Variants in RASSF8 observed in about 807,000 individuals in gnomAD.
RASSF8 encodes Ras association domain family member 8.
A neutral mutation model predicts 48.5 loss-of-function variants in RASSF8; 22 were observed. That is an observed-to-expected ratio of 0.45 (90% CI 0.32 to 0.65). The LOEUF (loss-of-function observed/expected upper bound fraction) is 0.65. Ranked by LOEUF, RASSF8 falls within the 30% of genes least tolerant of loss-of-function variation. RASSF8 has a pLI of 0.03. For synonymous variants in RASSF8, 127 were observed against 171.5 expected, an observed-to-expected ratio of 0.74 and a Z score of 2.03; for missense variants, 418 against 489.2, an observed-to-expected ratio of 0.85 and a Z score of 1.37.
chr12:26,060,098 C>T (rs954152112), intron 3 of RASSF8, among the ~76,000 whole-genome samples: 35 of 152,128 alleles, frequency 2.3e-4, no homozygotes, highest in African/African-American at 5.6e-4. Context: ...GGGGTTTCAC[C>T]GTGTTAGCCA....
intron 1 of RASSF8, among the ~76,000 whole-genome samples, chr12:25,987,717 A>G (rs1380847747): frequency 1.3e-5 from 2 of 152,200 alleles, no homozygotes; most frequent in Non-Finnish European, 2.9e-5. Flanking sequence ...TTCATTTTCT[A>G]TCCAACAGTA....
At chr12:25,967,290 T>C (rs1941381395) in intron 1 of RASSF8, among the ~76,000 whole-genome samples, 1 of 152,218 alleles carries the variant, frequency 6.6e-6, no homozygotes, top group Non-Finnish European at 1.5e-5. Flanking sequence ...TTTCCTTTCT[T>C]TTTTTGTTAT....
intron 1 of RASSF8, among the ~76,000 whole-genome samples, chr12:25,964,832 T>C (rs1941319039): frequency 6.6e-6 from 1 of 152,276 alleles, no homozygotes; most frequent in African/African-American, 2.4e-5. Context: ...GAAGTTCTAA[T>C]ACGTTAAATG....
chr12:25,960,888 A>G (rs1431355727), intron 1 of RASSF8, among the ~76,000 whole-genome samples: 1 of 152,246 alleles, frequency 6.6e-6, no homozygotes, highest in African/African-American at 2.4e-5. Context: ...TGGAAAAAAC[A>G]GTTACAAAGA....
intron 3 of RASSF8, among the ~76,000 whole-genome samples, chr12:26,061,615 G>A (rs1488374527): frequency 6.6e-6 from 1 of 152,114 alleles, no homozygotes; most frequent in Non-Finnish European, 1.5e-5. Flanking sequence ...CATCAAAATA[G>A]TACAGAAGGT....
At chr12:26,075,713 A>G (rs1944065844), downstream of RASSF8, among the ~76,000 whole-genome samples, 1 of 152,216 alleles carries the variant, frequency 6.6e-6, no homozygotes, top group African/African-American at 2.4e-5. Context: ...GATCAAATAA[A>G]CAAATTGAAA....
intron 2 of RASSF8, among the ~76,000 whole-genome samples, chr12:26,041,633 A>G (rs11609110): frequency 4.6e-5 from 7 of 152,094 alleles, no homozygotes; most frequent in Non-Finnish European, 1.0e-4. Flanking sequence ...ACATAAATAT[A>G]TATATATACA....
At chr12:25,966,141 A>G (rs1408650841) in intron 1 of RASSF8, among the ~76,000 whole-genome samples, 3 of 152,224 alleles carry the variant, frequency 2.0e-5, no homozygotes, top group East Asian at 1.9e-4. Context: ...ACCATTTTAC[A>G]TTCTTAACCA....
At chr12:25,967,491 CCT>C (rs1941386958) in intron 1 of RASSF8, among the ~76,000 whole-genome samples, 1 of 151,972 alleles carries the variant, frequency 6.6e-6, no homozygotes, top group Admixed American at 6.6e-5. Flanking sequence ...TGTTTCTTCC[CCT>C]GTTGTATTCT....
intron 2 of RASSF8, among the ~76,000 whole-genome samples, chr12:26,039,629 A>C (rs952069883): frequency 2.6e-5 from 4 of 152,226 alleles, no homozygotes; most frequent in Non-Finnish European, 5.9e-5. Context: ...TGCCTATTGC[A>C]TAAACTTCGT....
intron 2 of RASSF8, among the ~76,000 whole-genome samples, chr12:26,029,980 G>C (rs1942994708): frequency 1.3e-5 from 2 of 152,026 alleles, no homozygotes; most frequent in Admixed American, 1.3e-4. Context: ...TTGCTTATTT[G>C]TGCATCACTT....
downstream of RASSF8, among the ~76,000 whole-genome samples, chr12:26,077,617 T>C (rs981360926): frequency 6.6e-6 from 1 of 152,188 alleles, no homozygotes; most frequent in African/African-American, 2.4e-5. Flanking sequence ...GTTCCATTGG[T>C]CTATATCTCT....
intron 2 of RASSF8, among the ~76,000 whole-genome samples, chr12:26,012,661 C>T (rs1317585791): frequency 6.8e-6 from 1 of 147,808 alleles, no homozygotes. Context: ...CGTGATGTTC[C>T]TTCCATGTGA....
chr12:26,011,520 G>T (rs1340200992), intron 2 of RASSF8, among the ~76,000 whole-genome samples: 1 of 152,104 alleles, frequency 6.6e-6, no homozygotes, highest in Non-Finnish European at 1.5e-5. Context: ...AATTAATTGA[G>T]TGCTGTGGTT....
chr12:25,996,274 A>C (rs1286845299), intron 2 of RASSF8, among the ~76,000 whole-genome samples: 2 of 152,272 alleles, frequency 1.3e-5, no homozygotes, highest in Admixed American at 1.3e-4. Flanking sequence ...TAAAAAGGAA[A>C]AGCATAAGAA....
chr12:26,078,887 A>T, intron 5 of RASSF8: 2 of 589,150 alleles, frequency 3.4e-6, no homozygotes, highest in Non-Finnish European at 5.3e-6. Flanking sequence ...GAATATTTCT[A>T]GAAGGTTCTC....
At chr12:26,067,811 C>T in intron 5 of RASSF8, 98 bp downstream of exon 5, 3 of 1,484,842 alleles carry the variant, frequency 2.0e-6, no homozygotes, top group Non-Finnish European at 1.8e-6. Context: ...ATCGCCCAGG[C>T]TGGAATGCCA....
At chr12:25,965,060 A>T (rs10842641) in intron 1 of RASSF8, among the ~76,000 whole-genome samples, 1 of 151,682 alleles carries the variant, frequency 6.6e-6, no homozygotes, top group African/African-American at 2.4e-5. Flanking sequence ...CTCCCGCCTC[A>T]GCCTCCTGAG....
At chr12:25,994,142 G>A (rs1318098715) in intron 1 of RASSF8, among the ~76,000 whole-genome samples, 2 of 152,048 alleles carry the variant, frequency 1.3e-5, no homozygotes, top group African/African-American at 2.4e-5. Context: ...CAGATTTGGG[G>A]TCTGCCAGTT....
Sources: allele counts gnomAD v4.1 joint callset (sites outside exome capture counted in the v4.1 genomes callset), GRCh38; gene constraint gnomAD v4.1.1; transcripts MANE v1.5; gene names NCBI Gene and HGNC (gene_info 2026-07-23, HGNC 2026-07-21).